Variants in CDH1 observed in about 807,000 individuals in gnomAD.
CDH1 encodes cadherin-1.
A neutral mutation model predicts 84.5 loss-of-function variants in CDH1; 35 were observed. That is an observed-to-expected ratio of 0.41 (90% CI 0.32 to 0.55). The LOEUF is 0.55. CDH1 is among the 20% of genes least tolerant of loss of function. The probability of loss-of-function intolerance (pLI) is 0.19; values close to 1 mark genes in which losing one functional copy is unlikely to be tolerated. For missense variants in CDH1, 994 were observed against 1,126.6 expected (o/e 0.88, Z 1.68); for synonymous variants, 417 against 439.0 (o/e 0.95, Z 0.63).
At chr16:68,770,039 G>A (rs1340585084) in intron 2 of CDH1, among the ~76,000 whole-genome samples, 1 of 150,966 alleles carries the variant, frequency 6.6e-6, no homozygotes, top group East Asian at 2.0e-4. Flanking sequence ...CATGCCCCCG[G>A]TTGTTTTCAG....
At chr16:68,804,583 T>C (rs1030946348) in intron 3 of CDH1, among the ~76,000 whole-genome samples, 4 of 151,916 alleles carry the variant, frequency 2.6e-5, no homozygotes, top group Non-Finnish European at 4.4e-5. Flanking sequence ...AAAATTGAGA[T>C]ATATATTGGA....
chr16:68,813,206 C>A, intron 8 of CDH1, 107 bp from the exon 9 acceptor site: 1 of 1,149,972 alleles, frequency 8.7e-7, no homozygotes, highest in Admixed American at 1.8e-5. Context: ...ACAGTGAGAT[C>A]TTATCTCAAA....
intron 2 of CDH1, among the ~76,000 whole-genome samples, chr16:68,748,957 A>G (rs1442321049): frequency 1.3e-5 from 2 of 152,138 alleles, no homozygotes. Context: ...CTCCTGCCTC[A>G]CCCTCCTGAG....
chr16:68,745,549 A>AAATATATATATATATGT (rs1555510453), intron 2 of CDH1, among the ~76,000 whole-genome samples: 71 of 75,172 alleles, frequency 9.4e-4, no homozygotes, highest in African/African-American at 3.3e-3. Flanking sequence ...AAAAAAAAAA[A>AAATATATATATATATGT]ATATATATAT....
intron 2 of CDH1, among the ~76,000 whole-genome samples, chr16:68,800,213 A>G (rs1960462285): frequency 6.6e-6 from 1 of 151,648 alleles, no homozygotes; most frequent in South Asian, 2.1e-4. Flanking sequence ...CCAAGGCCTT[A>G]ATAGGGTCTC....
At chr16:68,811,631 C>A (rs1960831746) in intron 6 of CDH1, 53 bp from the exon 7 acceptor site, 1 of 1,524,842 alleles carries the variant, frequency 6.6e-7, no homozygotes, top group Non-Finnish European at 9.1e-7. Flanking sequence ...GCAGTATTGA[C>A]CCAGTCCCAA....
chr16:68,784,691 C>A (rs1959992278), intron 2 of CDH1, among the ~76,000 whole-genome samples: 1 of 152,048 alleles, frequency 6.6e-6, no homozygotes, highest in Admixed American at 6.6e-5. Context: ...TCCATTGTAT[C>A]TTTTTATGCC....
At chr16:68,802,662 G>T (rs916492879) in intron 3 of CDH1, among the ~76,000 whole-genome samples, 2 of 152,042 alleles carry the variant, frequency 1.3e-5, no homozygotes, top group Non-Finnish European at 2.9e-5. Context: ...GTAGAGGCAG[G>T]GTTTCACCAT....
intron 2 of CDH1, among the ~76,000 whole-genome samples, chr16:68,766,787 G>A (rs1331397491): frequency 1.3e-5 from 2 of 151,982 alleles, no homozygotes; most frequent in Non-Finnish European, 2.9e-5. Flanking sequence ...GAGTGCGGTG[G>A]TGTGATCTCG....
intron 2 of CDH1, among the ~76,000 whole-genome samples, chr16:68,791,090 G>A (rs966905174): frequency 2.4e-4 from 37 of 152,102 alleles, no homozygotes; most frequent in African/African-American, 8.5e-4. Flanking sequence ...GTTGGCCCCC[G>A]GGTGGGCAGG....
chr16:68,810,878 A>T (rs949458172), intron 6 of CDH1, among the ~76,000 whole-genome samples: 36 of 150,688 alleles, frequency 2.4e-4, no homozygotes, highest in South Asian at 1.1e-3. Context: ...AAAAAAAAAA[A>T]TTTTTTTTTC....
At chr16:68,819,195 T>C (rs2152136604) in intron 10 of CDH1, 85 bp from the exon 11 acceptor site, 1 of 1,487,046 alleles carries the variant, frequency 6.7e-7, no homozygotes, top group South Asian at 1.1e-5. Context: ...GAAGTAACCA[T>C]ATAACTGAAG....
chr16:68,782,992 T>C (rs1360961242), intron 2 of CDH1, among the ~76,000 whole-genome samples: 1 of 152,168 alleles, frequency 6.6e-6, no homozygotes, highest in Non-Finnish European at 1.5e-5. Context: ...AAGTGTCTCA[T>C]TTCTGAAAAC....
chr16:68,804,918 C>T (rs1960616138), intron 3 of CDH1, among the ~76,000 whole-genome samples: 1 of 145,012 alleles, frequency 6.9e-6, no homozygotes, highest in Non-Finnish European at 1.5e-5. Context: ...GCAGCCTTGA[C>T]CTCCCAGGCT....
chr16:68,787,479 G>T (rs528759992), intron 2 of CDH1, among the ~76,000 whole-genome samples: 1 of 152,000 alleles, frequency 6.6e-6, no homozygotes, highest in South Asian at 2.1e-4. Context: ...CTCTCAAAAA[G>T]ATTTTTTGTT....
At position 68,776,376 on chromosome 16, in the gene CDH1, A is replaced by G. The variant is rs527832065; in HGVS notation, c.164-25294A>G. Among the ~76,000 whole-genome samples, 3 of 152,336 alleles carry G rather than the reference A, an allele frequency of 2.0e-5. No homozygotes were observed. In the East Asian group the frequency reaches 5.8e-4, roughly 29 times the overall value. On this transcript the variant is annotated intron_variant, in intron 2 of 15. Transcript: ENST00000261769. ...TAATAATGACCAACGTTTCCTGAAC[A>G]TGAATAGTGGATTAAAGTGCTGAGT...
At chr16:68,786,534 C>CTT (rs3074434) in intron 2 of CDH1, among the ~76,000 whole-genome samples, 2 of 73,946 alleles carry the variant, frequency 2.7e-5, no homozygotes, top group South Asian at 5.8e-4. Context: ...TTTTTTTTTT[C>CTT]TTTTTTTTTT....
intron 14 of CDH1, among the ~76,000 whole-genome samples, chr16:68,829,202 AGGTC>A (rs1013891951): frequency 6.6e-6 from 1 of 152,182 alleles, no homozygotes; most frequent in Non-Finnish European, 1.5e-5. Context: ...AATTGTGTCC[AGGTC>A]TGTTCCATGC....
intron 13 of CDH1, among the ~76,000 whole-genome samples, chr16:68,825,555 C>T (rs1230248398): frequency 6.6e-6 from 1 of 152,132 alleles, no homozygotes; most frequent in African/African-American, 2.4e-5. Context: ...TGCTTCTGCC[C>T]CCTCCTGGTG....
Sources: gnomAD v4.1 joint callset for allele counts (sites outside exome capture counted in the v4.1 genomes callset) on GRCh38, gnomAD v4.1.1 for gene constraint, MANE v1.5 for transcripts, NCBI Gene and HGNC (gene_info 2026-07-23, HGNC 2026-07-21) for gene names.